The following PDE10A variants were observed in gnomAD, a reference collection of about 807,000 sequenced individuals.
PDE10A encodes cAMP and cAMP-inhibited cGMP 3',5'-cyclic phosphodiesterase 10A.
PDE10A carries 39 observed loss-of-function variants against 97.7 expected under a neutral mutation model. That is an observed-to-expected ratio of 0.40 (90% CI 0.31 to 0.52). The LOEUF is 0.52. Among genes scored for constraint, PDE10A ranks in the 20% least tolerant of loss-of-function variants. The pLI, the probability that PDE10A is intolerant of heterozygous loss-of-function variation, is 0.56. For missense variants in PDE10A, 731 were observed against 1,047.8 expected (o/e 0.70, Z 4.17); for synonymous variants, 371 against 376.8 (o/e 0.98, Z 0.18).
intron 1 of PDE10A, among the ~76,000 whole-genome samples, chr6:165,633,924 C>T (rs1007277914): frequency 1.3e-5 from 2 of 151,996 alleles, no homozygotes; most frequent in African/African-American, 4.8e-5. Context: ...ATATATATAA[C>T]CTGAATCCTT....
intron 1 of PDE10A, among the ~76,000 whole-genome samples, chr6:165,710,064 C>T (rs1791855766): frequency 6.6e-6 from 1 of 152,066 alleles, no homozygotes; most frequent in Admixed American, 6.5e-5. Flanking sequence ...GCCTCAGTGC[C>T]TTGACGCCTG....
chr6:165,613,899 T>C (rs1787608562), intron 1 of PDE10A, among the ~76,000 whole-genome samples: 1 of 152,114 alleles, frequency 6.6e-6, no homozygotes, highest in South Asian at 2.1e-4. Flanking sequence ...AAACTGAACA[T>C]CTCCCTCCCG....
chr6:165,442,924 C>T (rs960813386), intron 5 of PDE10A, among the ~76,000 whole-genome samples: 12 of 151,938 alleles, frequency 7.9e-5, no homozygotes, highest in Non-Finnish European at 2.9e-5. Context: ...GCCTGGCCAA[C>T]ATGCCAATAC....
chr6:165,374,072 G>A (rs1209066812), intron 18 of PDE10A, among the ~76,000 whole-genome samples: 26 of 119,480 alleles, frequency 2.2e-4, no homozygotes, highest in Non-Finnish European at 2.6e-4. Flanking sequence ...ACACTCTGGG[G>A]ACTGTTGTGG....
rs533657405 is a variant in PDE10A, at chr6:165,452,699, C to A, written c.1024-2337G>T. On this transcript the variant is annotated intron_variant, in intron 3 of 21. Coordinates refer to ENST00000539869, the MANE Select transcript of PDE10A (RefSeq NM_001385079.1). ...TTTATAAATTACCTAGTCTCAGATA[C>A]TCTATTACAGCAGCACAAAATGGAC... is the stretch of plus-strand genomic sequence containing the variant. Among the ~76,000 whole-genome samples the A allele has an allele frequency of 3.7e-4, 56 of 152,264 alleles. No individual in the cohort carries two copies. The South Asian group carries it at 0.011, about 31-fold the overall frequency.
intron 1 of PDE10A, among the ~76,000 whole-genome samples, chr6:165,738,800 G>A (rs549099259): frequency 6.6e-5 from 10 of 152,280 alleles, no homozygotes; most frequent in South Asian, 4.1e-4. Flanking sequence ...TTTTGGCTGC[G>A]TAAATGTCTT....
chr6:165,625,475 T>G (rs1788338962), intron 1 of PDE10A, among the ~76,000 whole-genome samples: 1 of 152,164 alleles, frequency 6.6e-6, no homozygotes, highest in South Asian at 2.1e-4. Flanking sequence ...GAGGTAAGGG[T>G]AGAAACTTAA....
intron 1 of PDE10A, among the ~76,000 whole-genome samples, chr6:165,903,270 A>G (rs898259974): frequency 3.3e-5 from 5 of 152,192 alleles, no homozygotes; most frequent in African/African-American, 1.2e-4. Flanking sequence ...TTTTTAAAAA[A>G]CTTTTTCTGC....
At chr6:165,491,053 G>T (rs1485654693) in intron 2 of PDE10A, among the ~76,000 whole-genome samples, 1 of 152,132 alleles carries the variant, frequency 6.6e-6, no homozygotes, top group Admixed American at 6.5e-5. Flanking sequence ...TAAAGGGGTG[G>T]AAAAAGATAT....
chr6:165,540,353 A>T (rs1783356347), intron 2 of PDE10A, among the ~76,000 whole-genome samples: 1 of 152,072 alleles, frequency 6.6e-6, no homozygotes, highest in African/African-American at 2.4e-5. Flanking sequence ...TTTTATTATT[A>T]TTTTTGACAT....
intron 1 of PDE10A, among the ~76,000 whole-genome samples, chr6:165,649,372 G>A (rs1789563719): frequency 6.6e-6 from 1 of 152,136 alleles, no homozygotes; most frequent in African/African-American, 2.4e-5. Context: ...GAGTCAGTGA[G>A]GGGACAGCAA....
intron 3 of PDE10A, among the ~76,000 whole-genome samples, chr6:165,453,886 CACA>C (rs986692002): frequency 2.0e-5 from 3 of 152,172 alleles, no homozygotes; most frequent in African/African-American, 4.8e-5. Context: ...TTACCAACTC[CACA>C]ACTCTGGAGA....
chr6:165,745,427 A>G (rs956528331), intron 1 of PDE10A, among the ~76,000 whole-genome samples: 1 of 152,218 alleles, frequency 6.6e-6, no homozygotes, highest in Non-Finnish European at 1.5e-5. Flanking sequence ...AGCTCTGATT[A>G]TTAGAAAACT....
At chr6:165,894,207 G>A in intron 1 of PDE10A, 1 of 424,756 alleles carries the variant, frequency 2.4e-6, no homozygotes, top group Non-Finnish European at 4.8e-6. Flanking sequence ...CCGAAGGAGA[G>A]CCGTCTCTGG....
intron 13 of PDE10A, among the ~76,000 whole-genome samples, chr6:165,406,727 T>C (rs1191339652): frequency 6.6e-6 from 1 of 152,118 alleles, no homozygotes; most frequent in Non-Finnish European, 1.5e-5. Context: ...CTGGAATCAG[T>C]GCACTGAGTA....
intron 1 of PDE10A, among the ~76,000 whole-genome samples, chr6:165,622,420 C>A (rs914596018): frequency 6.6e-6 from 1 of 152,124 alleles, no homozygotes; most frequent in Non-Finnish European, 1.5e-5. Context: ...TACTACATAC[C>A]AAGGCTTTAT....
intron 20 of PDE10A, 119 bp from the exon 21 acceptor site, chr6:165,336,330 C>T: frequency 2.9e-6 from 2 of 696,336 alleles, no homozygotes; most frequent in Non-Finnish European, 5.1e-6. Flanking sequence ...ATTGCATGTT[C>T]TAGTTTTGCT....
At chr6:165,380,310 T>C (rs1784854504) in intron 17 of PDE10A, among the ~76,000 whole-genome samples, 1 of 152,168 alleles carries the variant, frequency 6.6e-6, no homozygotes, top group Admixed American at 6.5e-5. Context: ...TATACATTTA[T>C]TGAGTTAAAA....
chr6:165,686,129 G>GCA (rs1791107959), intron 1 of PDE10A, among the ~76,000 whole-genome samples: 2 of 65,732 alleles, frequency 3.0e-5, no homozygotes, highest in East Asian at 7.9e-4. Context: ...AAATGTGCAT[G>GCA]GACACACACA....
Sources: allele counts gnomAD v4.1 joint callset (sites outside exome capture counted in the v4.1 genomes callset), GRCh38; gene constraint gnomAD v4.1.1; transcripts MANE v1.5; gene names NCBI Gene and HGNC (gene_info 2026-07-23, HGNC 2026-07-21).